ATP10B: variants seen among roughly 807,000 people sequenced by gnomAD.
The protein encoded by ATP10B is ATPase phospholipid transporting 10B (putative).
In ATP10B, 122 loss-of-function variants were observed where a neutral mutation model predicts 141.2. The observed-to-expected ratio is 0.86, with a 90% CI of 0.75 to 1.00. The LOEUF (loss-of-function observed/expected upper bound fraction) is 1.00. Among genes scored for constraint, ATP10B ranks in the 50% least tolerant of loss-of-function variants. The pLI is 0.00. For missense variants in ATP10B, 1,876 were observed against 1,825.3 expected (o/e 1.03, Z -0.51); for synonymous variants, 685 against 692.0 (o/e 0.99, Z 0.16).
At chr5:160,588,030 A>G (rs1756027143) in intron 24 of ATP10B, among the ~76,000 whole-genome samples, 1 of 151,988 alleles carries the variant, frequency 6.6e-6, no homozygotes, top group Non-Finnish European at 1.5e-5. Flanking sequence ...TTGTATTTTT[A>G]GTAGAGATGG....
chr5:160,653,625 T>TATATACATATATAC (rs1761145448), intron 7 of ATP10B, among the ~76,000 whole-genome samples: 1 of 76,394 alleles, frequency 1.3e-5, no homozygotes, highest in Non-Finnish European at 2.4e-5. Context: ...ATATATATTA[T>TATATACATATATAC]ATATACATAT....
chr5:160,689,494 A>G (rs1763950063), intron 3 of ATP10B, among the ~76,000 whole-genome samples: 1 of 152,210 alleles, frequency 6.6e-6, no homozygotes. Context: ...CTCAGCCCCA[A>G]ATCTCCCTAA....
At chr5:160,645,102 G>A (rs1393597905) in intron 8 of ATP10B, among the ~76,000 whole-genome samples, 2 of 143,828 alleles carry the variant, frequency 1.4e-5, no homozygotes, top group African/African-American at 5.2e-5. Flanking sequence ...GGGCTACGGG[G>A]CAAGACTCCA....
rs180881077 is a variant in ATP10B, at chr5:160,796,607, C to T, written c.-575-10804G>A. On this transcript the variant is annotated intron_variant, in intron 1 of 25. Transcript: ENST00000327245. ...TTGCCACACATTTACAAGCTGGTCG[C>T]GCCCTTCCAAAGGATCTCATTCCTC... Among the ~76,000 whole-genome samples, 15 of 152,308 alleles carry T rather than the reference C, an allele frequency of 9.8e-5. No homozygotes were observed. The East Asian group carries it at 2.3e-3, about 23-fold the overall frequency.
At chr5:160,602,532 A>C in intron 21 of ATP10B, 45 bp downstream of exon 21, 3 of 1,611,564 alleles carry the variant, frequency 1.9e-6, no homozygotes, top group Non-Finnish European at 2.5e-6. Context: ...CCCCGTGGCA[A>C]GGCCTGCCAA....
At chr5:160,919,229 A>AAAAAAAAAAAAAAAAAT in the ATP10B span, among the ~76,000 whole-genome samples, 1 of 143,018 alleles carries the variant, frequency 7.0e-6, no homozygotes, top group Non-Finnish European at 1.5e-5. Context: ...GTCTCAAAAA[A>AAAAAAAAAAAAAAAAAT]AAAAAAAAAA....
At chr5:160,820,192 A>C (rs1773994117) in intron 1 of ATP10B, among the ~76,000 whole-genome samples, 1 of 152,016 alleles carries the variant, frequency 6.6e-6, no homozygotes. Context: ...GAAAAAGTAG[A>C]CCTTACAACT....
chr5:160,902,006 G>A, the ATP10B span, among the ~76,000 whole-genome samples: 1 of 152,226 alleles, frequency 6.6e-6, no homozygotes. Flanking sequence ...CAGAGACCAC[G>A]ATCCAAGCTC....
At chr5:160,738,578 C>G (rs1298176286) in intron 2 of ATP10B, among the ~76,000 whole-genome samples, 1 of 151,966 alleles carries the variant, frequency 6.6e-6, no homozygotes, top group Non-Finnish European at 1.5e-5. Flanking sequence ...ATTCTACAAT[C>G]ATGAAAGGAT....
upstream of ATP10B, among the ~76,000 whole-genome samples, chr5:160,855,267 A>G (rs1197405292): frequency 6.6e-6 from 1 of 152,006 alleles, no homozygotes; most frequent in African/African-American, 2.4e-5. Context: ...TGAGGGCCCT[A>G]GTTTCTCCGC....
chr5:160,786,633 C>CTG, intron 1 of ATP10B, among the ~76,000 whole-genome samples: 1 of 152,124 alleles, frequency 6.6e-6, no homozygotes, highest in East Asian at 1.9e-4. Context: ...AGTTGACACA[C>CTG]TCATTGCTAA....
chr5:160,857,825 A>G, the ATP10B span, among the ~76,000 whole-genome samples: 2 of 151,860 alleles, frequency 1.3e-5, no homozygotes, highest in Non-Finnish European at 2.9e-5. Context: ...TTATCTTTCT[A>G]TAACTAATTT....
the ATP10B span, among the ~76,000 whole-genome samples, chr5:160,881,254 C>G: frequency 6.6e-6 from 1 of 152,082 alleles, no homozygotes; most frequent in South Asian, 2.1e-4. Flanking sequence ...CCACGACACA[C>G]CTATTAGAAT....
the ATP10B span, among the ~76,000 whole-genome samples, chr5:160,891,033 T>A: frequency 6.6e-6 from 1 of 152,072 alleles, no homozygotes; most frequent in Non-Finnish European, 1.5e-5. Context: ...GTATGTGCGT[T>A]TGAATAACTG....
intron 9 of ATP10B, among the ~76,000 whole-genome samples, chr5:160,642,740 T>C (rs1423754168): frequency 6.6e-6 from 1 of 152,206 alleles, no homozygotes; most frequent in Non-Finnish European, 1.5e-5. Flanking sequence ...TATTAGGCCC[T>C]TTTCACAGAT....
the ATP10B span, among the ~76,000 whole-genome samples, chr5:160,918,992 G>A: frequency 1.3e-5 from 2 of 151,408 alleles, no homozygotes; most frequent in Non-Finnish European, 2.9e-5. Context: ...TTGGGAGGCC[G>A]AGATGGGCGG....
chr5:160,738,834 C>T (rs1448096851), intron 2 of ATP10B, among the ~76,000 whole-genome samples: 1 of 151,996 alleles, frequency 6.6e-6, no homozygotes, highest in African/African-American at 2.4e-5. Context: ...ATGAATTTAA[C>T]ATAAACTCCT....
Position 160,565,296 on chromosome 5 carries a change from C to T in ATP10B, c.*157G>A. The T allele has an allele frequency of 1.4e-6, 1 of 738,444 alleles. No individual in the cohort carries two copies. The highest frequency in any genetic ancestry group is 2.2e-6 in the Non-Finnish European group (1 of 455,398). 45.7% of individuals were successfully genotyped at this position (738,444 alleles called of 1,614,324 possible). ...CTGGGTTTCCCGTCTTTGTGTCAGA[C>T]CCCTTGGGGCCAGCACTTCCTCCAT... On this transcript the variant is annotated 3_prime_UTR_variant, in exon 26 of 26. Transcript: ENST00000327245.
At chr5:160,915,788 G>T in the ATP10B span, among the ~76,000 whole-genome samples, 1 of 152,062 alleles carries the variant, frequency 6.6e-6, no homozygotes, top group Non-Finnish European at 1.5e-5. Flanking sequence ...GGGCAAAGAG[G>T]CAAAACAGAC....
Sources: allele counts gnomAD v4.1 joint callset (sites outside exome capture counted in the v4.1 genomes callset), GRCh38; gene constraint gnomAD v4.1.1; transcripts MANE v1.5; gene names NCBI Gene and HGNC (gene_info 2026-07-23, HGNC 2026-07-21).